The following SHOX variants were observed in gnomAD, a reference collection of about 807,000 sequenced individuals.
SHOX encodes the protein short stature homeobox protein.
In SHOX, 12 loss-of-function variants were observed where a neutral mutation model predicts 29.6. The observed-to-expected ratio is 0.41, with a 90% confidence interval of 0.26 to 0.66. The LOEUF (loss-of-function observed/expected upper bound fraction) is 0.66, where lower values mean the gene tolerates loss of function less well. SHOX is among the 30% of genes least tolerant of loss of function. The pLI is 0.35. For missense variants in SHOX, 499 were observed against 437.7 expected (o/e 1.14, Z -1.25); for synonymous variants, 214 against 200.6 (o/e 1.07, Z -0.57).
In SHOX at chrX:631,062, C is replaced by G. The variant is rs1328530010; in HGVS notation, c.165C>G (p.Ser55Arg). ...RSRELGTSDS[S>R]LQDITEGGGH... ...GGGAGCTGGGGACGTCGGATTCCAG[C>G]CTCCAGGACATCACGGAGGGCGGCG... The change falls in exon 1 of 5, where the codon AGC becomes AGG. Residue 55 changes from serine (S) to arginine (R), a missense_variant. Ser to Arg is a moderately radical substitution (Grantham distance 110). Coordinates refer to ENST00000686671, the MANE Select transcript of SHOX (RefSeq NM_000451.4). 2 of 1,613,730 alleles carry G rather than the reference C, an allele frequency of 1.2e-6. No individual in the cohort carries two copies. Among genetic ancestry groups the G allele is most frequent in the South Asian group, 2.2e-5 (2 of 91,088 alleles).
rs996643836 is a variant in SHOX, at chrX:649,656, G to C, written c.*5020G>C. 2.6e-5 allele frequency among the ~76,000 whole-genome samples: 4 copies of C among 152,128 alleles called. No homozygotes were observed. The highest frequency in any genetic ancestry group is 9.7e-5 in the African/African-American group (4 of 41,446). On this transcript the variant is annotated 3_prime_UTR_variant, in exon 5 of 5. Transcript: ENST00000686671. ...CAGAGAGCAACGTGGGCTGTGTTCC[G>C]ATGTAACGCCGTTGCAGAGAGAGGA...
chrX:641,043 G>T lies in SHOX; in HGVS notation c.589G>T (p.Ala197Ser). ...CAACCACCTAGACGCCTGCCGAGTGGCACCCTACGTCAACATGGGAGCCTT... is the reference window on the plus strand; with the variant it reads ...CAACCACCTAGACGCCTGCCGAGTGTCACCCTACGTCAACATGGGAGCCTT... ...TANHLDACRV[A>S]PYVNMGALRM... Residue 197 changes from alanine to serine, a missense_variant, in exon 4 of 5, where the codon GCA (alanine) becomes TCA (serine). Coordinates refer to ENST00000686671, the MANE Select transcript of SHOX (RefSeq NM_000451.4). The T allele has an allele frequency of 6.2e-7, 1 of 1,613,822 alleles. No homozygotes were observed. Among genetic ancestry groups the T allele is most frequent in the Non-Finnish European group, 8.5e-7 (1 of 1,179,850 alleles).
At chrX:652,023 A>C (rs1262967921), downstream of SHOX, among the ~76,000 whole-genome samples, 6 of 151,906 alleles carry the variant, frequency 3.9e-5, no homozygotes, top group Non-Finnish European at 7.4e-5. Flanking sequence ...CCCGGGTTCA[A>C]GCGACTCTCC....
upstream of SHOX, among the ~76,000 whole-genome samples, chrX:628,388 T>C (rs1481337624): frequency 2.7e-5 from 4 of 150,408 alleles, no homozygotes; most frequent in Non-Finnish European, 5.9e-5. Context: ...TCTCCATCTG[T>C]CTGTCTCTCC....
At position 650,955 on chromosome X, in the gene SHOX, T is replaced by C. The variant is rs930194384; in HGVS notation, c.*6319T>C. On this transcript the variant is annotated 3_prime_UTR_variant, in exon 5 of 5. Transcript: ENST00000686671. ...TTAATGAGAAGCCGGTTAAGGAATG[T>C]AGACAATATCCCGTTTCAAAGCTAT... is the stretch of plus-strand genomic sequence containing the variant. Among the ~76,000 whole-genome samples, 5 of 152,086 alleles carry C rather than the reference T, an allele frequency of 3.3e-5. No individual in the cohort carries two copies. The highest frequency in any genetic ancestry group is 1.3e-4 in the Admixed American group (2 of 15,262).
upstream of SHOX, among the ~76,000 whole-genome samples, chrX:627,441 C>T (rs1056469977): frequency 6.6e-6 from 1 of 152,052 alleles, no homozygotes; most frequent in Admixed American, 6.5e-5. Flanking sequence ...GGGGTGAGGC[C>T]GCCTCCGTGC....
downstream of SHOX, among the ~76,000 whole-genome samples, chrX:652,905 G>C (rs192498366): frequency 2.6e-5 from 4 of 152,258 alleles, no homozygotes; most frequent in Admixed American, 2.6e-4. Context: ...GGCAAACGCA[G>C]GCAAGTTCTG....
At position 650,751 on chromosome X, in the gene SHOX, G is replaced by T. The variant is rs1290898895; in HGVS notation, c.*6115G>T. Among the ~76,000 whole-genome samples the T allele has an allele frequency of 1.4e-5, 2 of 145,618 alleles. No individual in the cohort carries two copies. The highest frequency in any genetic ancestry group is 1.4e-4 in the Admixed American group (2 of 14,412). On this transcript the variant is annotated 3_prime_UTR_variant, in exon 5 of 5. Coordinates refer to ENST00000686671, the MANE Select transcript of SHOX (RefSeq NM_000451.4). The stretch of plus-strand genomic sequence containing the variant: ...CGCTTGTCTCCTCCAGCTTTGGGAG[G>T]TCTGGGGAGGAGAGAGGCTTTCGGT...
At chrX:632,275 A>G (rs1167253614) in intron 1 of SHOX, among the ~76,000 whole-genome samples, 1 of 151,936 alleles carries the variant, frequency 6.6e-6, no homozygotes, top group Admixed American at 6.6e-5. Context: ...CTGAGACCTC[A>G]GTGGTGGGTC....
chrX:635,355 G>C (rs1290890079), intron 2 of SHOX, among the ~76,000 whole-genome samples: 2 of 152,166 alleles, frequency 1.3e-5, no homozygotes, highest in Non-Finnish European at 2.9e-5. Flanking sequence ...TTCCCGTGTG[G>C]CTGCATTGAA....
downstream of SHOX, among the ~76,000 whole-genome samples, chrX:652,651 G>A (rs2053084171): frequency 6.6e-6 from 1 of 152,144 alleles, no homozygotes; most frequent in Admixed American, 6.6e-5. Context: ...ACTCCTGGTA[G>A]TTCCTGAAAG....
At chrX:633,744 GGGGCGTTGGA>G (rs2052689129) in intron 1 of SHOX, among the ~76,000 whole-genome samples, 1 of 152,140 alleles carries the variant, frequency 6.6e-6, no homozygotes, top group African/African-American at 2.4e-5. Context: ...TAGGAACAGA[GGGGCGTTGGA>G]GATGCCACTT....
intron 2 of SHOX, 33 bp downstream of exon 2, chrX:634,859 G>C (rs774396128): frequency 3.6e-5 from 55 of 1,543,852 alleles, no homozygotes; most frequent in Non-Finnish European, 1.3e-5. Flanking sequence ...GGGGGGCCCG[G>C]AGCCATCGCC....
chrX:625,876 CTT>C (rs1200226276), upstream of SHOX, among the ~76,000 whole-genome samples: 6 of 80,194 alleles, frequency 7.5e-5, no homozygotes, highest in Admixed American at 4.8e-4. Context: ...CTCTGTCTCT[CTT>C]TCTCTCTCTC....
rs748745580 is a variant in SHOX at position 634,837 on chromosome X, G to T, written c.486+11G>T. On this transcript the variant is annotated intron_variant, in intron 2 of 4. Coordinates refer to ENST00000686671, the MANE Select transcript of SHOX (RefSeq NM_000451.4). ...GAGGCGCGCGTGCAGGTAGGAACCC[G>T]GGGGCGGGGGCGGGGGGCCCGGAGC... 1.9e-6 allele frequency: 3 copies of T among 1,549,432 alleles called. No homozygotes were observed. Among genetic ancestry groups the T allele is most frequent in the Admixed American group, 2.0e-5 (1 of 51,136 alleles).
upstream of SHOX, among the ~76,000 whole-genome samples, chrX:629,168 T>C (rs1224820917): frequency 4.7e-5 from 7 of 150,128 alleles, no homozygotes; most frequent in African/African-American, 1.7e-4. Context: ...TCTCCATCTG[T>C]CTGTGTCTCT....
intron 2 of SHOX, among the ~76,000 whole-genome samples, 187 bp from the exon 3 acceptor site, chrX:640,634 G>T (rs2052837465): frequency 6.6e-6 from 1 of 152,096 alleles, no homozygotes; most frequent in African/African-American, 2.4e-5. Flanking sequence ...CCAATTTCCA[G>T]TACTAGGTAG....
Position 641,949 on chromosome X carries a change from G to T in SHOX, c.633+862G>T, listed in dbSNP as rs73607273. On this transcript the variant is annotated intron_variant, in intron 4 of 4. Coordinates refer to ENST00000686671, the MANE Select transcript of SHOX (RefSeq NM_000451.4). Reference sequence around the variant, plus strand: ...GCGTCTGCCTGGCCCCTGGCCCCTGGCTTGGGCTCTGCACCTCTGAGCTGG... The same window carrying T: ...GCGTCTGCCTGGCCCCTGGCCCCTGTCTTGGGCTCTGCACCTCTGAGCTGG... 6.4e-3 allele frequency among the ~76,000 whole-genome samples: 971 copies of T among 152,248 alleles called. 12 individuals carry two copies. Among genetic ancestry groups the T allele is most frequent in the African/African-American group, 0.02 (838 of 41,574 alleles).
chrX:658,578 C>G (rs1180200242), intron 5 of SHOX, among the ~76,000 whole-genome samples: 1 of 151,074 alleles, frequency 6.6e-6, no homozygotes, highest in Non-Finnish European at 1.5e-5. Flanking sequence ...TCACGCCATT[C>G]TCCTGCCTCA....
Sources: gnomAD v4.1 joint callset for allele counts (sites outside exome capture counted in the v4.1 genomes callset) on GRCh38, gnomAD v4.1.1 for gene constraint, MANE v1.5 for transcripts, NCBI Gene and HGNC (gene_info 2026-07-23, HGNC 2026-07-21) for gene names.